Variants in ALDH1A1 observed in about 807,000 individuals in gnomAD.
ALDH1A1 encodes aldehyde dehydrogenase 1 family member A1, also known as aldehyde dehydrogenase 1A1.
ALDH1A1 carries 19 observed loss-of-function variants against 62.1 expected under a neutral mutation model. The ratio of observed to expected loss-of-function variants is 0.31; its 90% confidence interval spans 0.21 to 0.45. ALDH1A1 has a LOEUF of 0.45. ALDH1A1 is among the 20% of genes least tolerant of loss of function. ALDH1A1 has a pLI of 1.00. For missense variants in ALDH1A1, 521 were observed against 607.1 expected (o/e 0.86, Z 1.49); for synonymous variants, 231 against 215.9 (o/e 1.07, Z -0.61).
At chr9:72,902,563 T>C (rs1368476817) in intron 12 of ALDH1A1, among the ~76,000 whole-genome samples, 1 of 152,046 alleles carries the variant, frequency 6.6e-6, no homozygotes, top group East Asian at 1.9e-4. Flanking sequence ...TAAAAGATAA[T>C]ATTTTAATAA....
Position 72,927,157 on chromosome 9 carries a change from T to C in ALDH1A1, c.463A>G (p.Thr155Ala). Residue 155 changes from threonine (T) to alanine (A), a missense_variant, in exon 5 of 13, where the codon ACA (threonine) becomes GCA (alanine). By Grantham distance (58) the Thr-to-Ala change is moderately conservative. Coordinates refer to ENST00000297785, the MANE Select transcript of ALDH1A1 (RefSeq NM_000689.5). ...CATACACCAATAGGTTCATGTCTTG[T>C]ATATGTAAAAAAATTTCCATCTGAA... The part of the protein sequence containing the change: ...IPIDGNFFTY[T>A]RHEPIGVCGQ... 1 of 1,607,728 alleles carries C rather than the reference T, an allele frequency of 6.2e-7. No homozygotes were observed. The highest frequency in any genetic ancestry group is 8.5e-7 in the Non-Finnish European group (1 of 1,176,848).
intron 1 of ALDH1A1, chr9:72,942,380 C>T: frequency 1.0e-6 from 1 of 985,294 alleles, no homozygotes; most frequent in Non-Finnish European, 1.2e-6. Context: ...CACTGTCCCC[C>T]AGCCCTATCT....
chr9:72,909,905 G>T, intron 10 of ALDH1A1, 146 bp from the exon 11 acceptor site: 1 of 605,514 alleles, frequency 1.7e-6, no homozygotes, highest in Non-Finnish European at 2.7e-6. Flanking sequence ...AATCCAAATA[G>T]GTAACTGCAA....
chr9:72,936,021 A>T (rs1830342403), intron 2 of ALDH1A1, among the ~76,000 whole-genome samples: 1 of 152,240 alleles, frequency 6.6e-6, no homozygotes, highest in Non-Finnish European at 1.5e-5. Flanking sequence ...AAACTGGTTT[A>T]CCATGAACAG....
intron 2 of ALDH1A1, among the ~76,000 whole-genome samples, chr9:72,938,800 T>C (rs1830377822): frequency 6.6e-6 from 1 of 151,718 alleles, no homozygotes; most frequent in Non-Finnish European, 1.5e-5. Flanking sequence ...TGGAGTGCAA[T>C]GGCACTATCT....
intron 7 of ALDH1A1, among the ~76,000 whole-genome samples, chr9:72,923,343 T>C (rs1380861025): frequency 6.6e-6 from 1 of 152,234 alleles, no homozygotes; most frequent in East Asian, 1.9e-4. Context: ...CGTAATTTAA[T>C]AGAATGACTC....
In ALDH1A1 at chr9:72,947,608, CA is replaced by C. The variant is rs531716428; in HGVS notation, c.66+5326del. ...CTCTTAGGATATGTGTTATTTACTT[CA>C]GATTTTTTTCTTGATTAGGTTTTCT... On this transcript the variant is annotated intron_variant, in intron 1 of 12. Coordinates refer to ENST00000297785, the MANE Select transcript of ALDH1A1 (RefSeq NM_000689.5). 1.8e-3 allele frequency among the ~76,000 whole-genome samples: 279 copies of C among 152,044 alleles called. 3 individuals carry two copies. The highest frequency in any genetic ancestry group is 6.5e-3 in the African/African-American group (269 of 41,526).
intron 8 of ALDH1A1, 142 bp from the exon 9 acceptor site, chr9:72,917,246 C>T: frequency 1.9e-6 from 1 of 522,928 alleles, no homozygotes; most frequent in Admixed American, 4.5e-5. Context: ...CTCCTACCAG[C>T]CAGGTGGCAA....
intron 12 of ALDH1A1, among the ~76,000 whole-genome samples, chr9:72,903,684 G>A (rs1829836365): frequency 6.6e-6 from 1 of 150,444 alleles, no homozygotes; most frequent in Non-Finnish European, 1.5e-5. Flanking sequence ...AGATTTTTAG[G>A]AAATTACTGA....
Position 72,901,175 on chromosome 9 carries a change from A to G in ALDH1A1, c.*33T>C, listed in dbSNP as rs2118465846. ...AGTGACTGTAAGGAGATGCTTAGCT[A>G]TTGAAGAGCTTCTCTCCACTCTTGT... On this transcript the variant is annotated 3_prime_UTR_variant, in exon 13 of 13. Coordinates refer to ENST00000297785, the MANE Select transcript of ALDH1A1 (RefSeq NM_000689.5). The G allele has an allele frequency of 6.6e-7, 1 of 1,505,970 alleles. No homozygotes were observed. Among genetic ancestry groups the G allele is most frequent in the Non-Finnish European group, 9.2e-7 (1 of 1,084,300 alleles). The allele number at this position is 1,505,970 out of a possible 1,614,324, so 93.3% of individuals were successfully genotyped here. A position where few individuals can be genotyped will look rare whatever the true frequency, so the allele number is the denominator to read the frequency against.
In ALDH1A1 at chr9:72,928,906, C is replaced by T. The variant is rs149236405; in HGVS notation, c.428G>A (p.Arg143His). 4.5e-5 allele frequency: 72 copies of T among 1,613,554 alleles called. No individual in the cohort carries two copies. Among genetic ancestry groups the T allele is most frequent in the East Asian group, 2.9e-4 (13 of 44,870 alleles). ...CAGWADKIQG[R>H]TIPIDGNFFT... Reference sequence around the variant, plus strand: ...AAGATACTTACCAATTGGTATTGTACGGCCCTGGATCTTGTCAGCCCAACC... The same window carrying T: ...AAGATACTTACCAATTGGTATTGTATGGCCCTGGATCTTGTCAGCCCAACC... The change falls in exon 4 of 13, where the codon CGT (arginine) becomes CAT (histidine). Residue 143 changes from arginine to histidine, a missense_variant. Coordinates refer to ENST00000297785, the MANE Select transcript of ALDH1A1 (RefSeq NM_000689.5).
intron 9 of ALDH1A1, among the ~76,000 whole-genome samples, 155 bp downstream of exon 9, chr9:72,916,765 G>T (rs1456993502): frequency 6.6e-6 from 1 of 152,112 alleles, no homozygotes; most frequent in Non-Finnish European, 1.5e-5. Flanking sequence ...CATTCTCACT[G>T]GGAGTTAGAT....
chr9:72,944,498 A>G (rs911039257), intron 1 of ALDH1A1, among the ~76,000 whole-genome samples: 1 of 152,038 alleles, frequency 6.6e-6, no homozygotes, highest in Non-Finnish European at 1.5e-5. Flanking sequence ...TTTTAATTAT[A>G]GGAGCTTTAC....
At chr9:72,913,588 C>T (rs1830019100) in intron 9 of ALDH1A1, among the ~76,000 whole-genome samples, 1 of 152,196 alleles carries the variant, frequency 6.6e-6, no homozygotes, top group Non-Finnish European at 1.5e-5. Flanking sequence ...AGATGTATTT[C>T]CCAAGTCATG....
At chr9:72,933,526 G>A (rs1412065351) in intron 2 of ALDH1A1, among the ~76,000 whole-genome samples, 2 of 147,250 alleles carry the variant, frequency 1.4e-5, no homozygotes, top group African/African-American at 5.1e-5. Flanking sequence ...GGTGCAGGTT[G>A]CAGTGAGCTG....
intron 9 of ALDH1A1, among the ~76,000 whole-genome samples, chr9:72,914,447 C>T (rs1830034659): frequency 6.6e-6 from 1 of 152,124 alleles, no homozygotes; most frequent in South Asian, 2.1e-4. Context: ...TTTCTATGCA[C>T]ATTCTACACA....
At chr9:72,934,683 A>T (rs1434988091) in intron 2 of ALDH1A1, among the ~76,000 whole-genome samples, 1 of 152,186 alleles carries the variant, frequency 6.6e-6, no homozygotes, top group African/African-American at 2.4e-5. Context: ...ACCTTGCCAG[A>T]CTAGTCCAGC....
rs368880893 is a variant in ALDH1A1 at position 72,903,545 on chromosome 9, A to G, written c.1434-2265T>C. ...TCTTGCAGCAAATGACTTGGTTATT[A>G]AATTCACCAAATTTGGTTTCAGGTA... is the stretch of plus-strand genomic sequence containing the variant. On this transcript the variant is annotated intron_variant, in intron 12 of 12. Transcript: ENST00000297785. Among the ~76,000 whole-genome samples the G allele has an allele frequency of 9.1e-4, 138 of 152,018 alleles. 3 individuals carry two copies. In the South Asian group the frequency reaches 0.012, roughly 13 times the overall value.
At chr9:72,928,442 C>T (rs1001262689) in intron 4 of ALDH1A1, among the ~76,000 whole-genome samples, 39 of 152,270 alleles carry the variant, frequency 2.6e-4, no homozygotes, top group African/African-American at 9.1e-4. Context: ...TCTAACTACA[C>T]TGAGTTTGAC....
Sources: allele counts gnomAD v4.1 joint callset (sites outside exome capture counted in the v4.1 genomes callset), GRCh38; gene constraint gnomAD v4.1.1; transcripts MANE v1.5; gene names NCBI Gene and HGNC (gene_info 2026-07-23, HGNC 2026-07-21).